The following KLHL29 variants were observed in gnomAD, a reference collection of about 807,000 sequenced individuals.
The protein encoded by KLHL29 is kelch like family member 29.
Under a neutral mutation model 80.4 loss-of-function variants are expected in KLHL29, and 21 were observed. The ratio of observed to expected loss-of-function variants is 0.26; its 90% confidence interval spans 0.19 to 0.38. The LOEUF (loss-of-function observed/expected upper bound fraction) is 0.38. Among genes scored for constraint, KLHL29 ranks in the 10% least tolerant of loss-of-function variants. The pLI is 1.00. For synonymous variants in KLHL29, 511 were observed against 526.8 expected (o/e 0.97, Z 0.41); for missense variants, 867 against 1,223.9 (o/e 0.71, Z 4.35).
At chr2:23,455,575 G>T (rs1161534831) in intron 1 of KLHL29, among the ~76,000 whole-genome samples, 1 of 150,910 alleles carries the variant, frequency 6.6e-6, no homozygotes, top group African/African-American at 2.4e-5. Flanking sequence ...GAGTGATGAA[G>T]AGAAGCGTCA....
intron 1 of KLHL29, among the ~76,000 whole-genome samples, chr2:23,406,862 A>T (rs1431782376): frequency 2.0e-5 from 3 of 152,244 alleles, no homozygotes; most frequent in African/African-American, 7.2e-5. Flanking sequence ...CTTTTCAATT[A>T]TAAAAGTAAT....
intron 3 of KLHL29, among the ~76,000 whole-genome samples, chr2:23,603,122 C>T (rs530495498): frequency 7.6e-4 from 116 of 152,276 alleles, no homozygotes; most frequent in African/African-American, 2.7e-3. Flanking sequence ...TGACCCCCCA[C>T]CCCAGGGCAA....
At position 23,562,118 on chromosome 2, in the gene KLHL29, C is replaced by G. The variant is rs1667461058; in HGVS notation, c.-45-34C>G. 1 of 1,522,276 alleles carries G rather than the reference C, an allele frequency of 6.6e-7. No individual in the cohort carries two copies. The highest frequency in any genetic ancestry group is 8.8e-7 in the Non-Finnish European group (1 of 1,130,132). The allele number at this position is 1,522,276 out of a possible 1,614,324, so 94.3% of individuals were successfully genotyped here. On this transcript the variant is annotated intron_variant, in intron 2 of 13. Coordinates refer to ENST00000486442, the MANE Select transcript of KLHL29 (RefSeq NM_052920.2). The surrounding 1 kb of genome is among the most constrained non-coding windows in gnomAD (Gnocchi z 4.5). ...TCAGTTGTCGCTGCCTGCTCCAGTC[C>G]TAAATCACCCTTCTCTCCACCCTGT...
At chr2:23,619,007 C>T (rs1211036754) in intron 3 of KLHL29, among the ~76,000 whole-genome samples, 1 of 152,220 alleles carries the variant, frequency 6.6e-6, no homozygotes, top group East Asian at 1.9e-4. Context: ...GATGCTGGTC[C>T]TTCCCCTCCA....
chr2:23,655,480 T>A (rs1670219645), intron 5 of KLHL29, among the ~76,000 whole-genome samples: 1 of 152,220 alleles, frequency 6.6e-6, no homozygotes, highest in Non-Finnish European at 1.5e-5. Flanking sequence ...CTATAGGAAC[T>A]GTCTTCCTGC....
intron 6 of KLHL29, chr2:23,685,514 C>G (rs1210991027): frequency 6.6e-6 from 1 of 152,330 alleles, no homozygotes; most frequent in Non-Finnish European, 1.5e-5. Flanking sequence ...TGCCAACTAA[C>G]CCCGGAGTGA....
At chr2:23,645,915 G>T (rs1402425931) in intron 5 of KLHL29, among the ~76,000 whole-genome samples, 1 of 152,222 alleles carries the variant, frequency 6.6e-6, no homozygotes, top group Non-Finnish European at 1.5e-5. Context: ...GACTAGAGAA[G>T]CCAGCTTGTG....
At position 23,392,002 on chromosome 2, in the gene KLHL29, C is replaced by G. The variant is rs112494230; in HGVS notation, c.-154+6222C>G. Among the ~76,000 whole-genome samples, 211 of 152,308 alleles carry G rather than the reference C, an allele frequency of 1.4e-3. 1 individual carries two copies. The highest frequency in any genetic ancestry group is 4.9e-3 in the African/African-American group (203 of 41,562). The stretch of plus-strand genomic sequence containing the variant: ...GTTGAAGTCCCGTCTCCAGTGCTTC[C>G]TAGCTGTGTGACCTTGGAAAGATCC... On this transcript the variant is annotated intron_variant, in intron 1 of 13. Transcript: ENST00000486442.
At position 23,696,535 on chromosome 2, in the gene KLHL29, C is replaced by G. The variant is rs1671968962; in HGVS notation, c.2105+22C>G. The G allele has an allele frequency of 6.7e-7, 1 of 1,486,362 alleles. No individual in the cohort carries two copies. Among genetic ancestry groups the G allele is most frequent in the Non-Finnish European group, 9.0e-7 (1 of 1,114,710 alleles). The allele number at this position is 1,486,362 out of a possible 1,614,324, so 92.1% of individuals were successfully genotyped here. The stretch of plus-strand genomic sequence containing the variant: ...AGAGGTAATGAGGCCACGGTCAGGA[C>G]AGGGGCATGCTCTTTGCTCACCAAG... On this transcript the variant is annotated intron_variant, in intron 11 of 13. Transcript: ENST00000486442. The surrounding 1 kb of genome is among the most constrained non-coding windows in gnomAD (Gnocchi z 5.5).
chr2:23,552,773 T>TTTTTTTTTTTTTTTTTTTG, intron 2 of KLHL29, among the ~76,000 whole-genome samples: 1 of 142,998 alleles, frequency 7.0e-6, no homozygotes. Context: ...TTTTTTTTTT[T>TTTTTTTTTTTTTTTTTTTG]TTTTTGAGAT....
intron 2 of KLHL29, among the ~76,000 whole-genome samples, chr2:23,536,759 A>C (rs1208365600): frequency 2.6e-5 from 4 of 152,190 alleles, no homozygotes; most frequent in African/African-American, 9.7e-5. Flanking sequence ...CTGTGAAAAG[A>C]AGCTCTGTAC....
chr2:23,487,903 G>A (rs572314096), intron 2 of KLHL29, among the ~76,000 whole-genome samples: 16 of 152,212 alleles, frequency 1.1e-4, no homozygotes, highest in Non-Finnish European at 2.2e-4. Flanking sequence ...CAGCTGGGCC[G>A]TGTGGTGGGA....
chr2:23,523,955 TAA>T (rs751812662), intron 2 of KLHL29: 3 of 471,250 alleles, frequency 6.4e-6, no homozygotes, highest in South Asian at 4.6e-5. Flanking sequence ...ACTTACCTCG[TAA>T]AGAGAAGATT....
chr2:23,389,197 G>A (rs1472709166), intron 1 of KLHL29, among the ~76,000 whole-genome samples: 1 of 152,010 alleles, frequency 6.6e-6, no homozygotes, highest in Non-Finnish European at 1.5e-5. Flanking sequence ...AGCATATAGT[G>A]CCCCTAGGAT....
At chr2:23,601,709 G>A (rs1668576234) in intron 3 of KLHL29, among the ~76,000 whole-genome samples, 1 of 152,188 alleles carries the variant, frequency 6.6e-6, no homozygotes, top group African/African-American at 2.4e-5. Context: ...AAGCGTGAGG[G>A]CACCTTCCCC....
In KLHL29 at chr2:23,696,792, A is replaced by G; in HGVS notation, c.2105+279A>G. The G allele has an allele frequency of 2.8e-6, 1 of 351,120 alleles. No individual in the cohort carries two copies. Among genetic ancestry groups the G allele is most frequent in the Non-Finnish European group, 5.2e-6 (1 of 193,986 alleles). 21.8% of individuals were successfully genotyped at this position (351,120 alleles called of 1,614,324 possible). A position where few individuals can be genotyped will look rare whatever the true frequency, so the allele number is the denominator to read the frequency against. On this transcript the variant is annotated intron_variant, in intron 11 of 13. Coordinates refer to ENST00000486442, the MANE Select transcript of KLHL29 (RefSeq NM_052920.2). This position sits in a 1 kb window ranked among gnomAD's most constrained non-coding sequence, Gnocchi z 5.5. ...CCCATTTAGGTGTCAGACAAGCTGGAGGCCCAAGATCCAGTTGCAGAAGGC... is the reference window on the plus strand; with the variant it reads ...CCCATTTAGGTGTCAGACAAGCTGGGGGCCCAAGATCCAGTTGCAGAAGGC...
In KLHL29 at chr2:23,703,659, A is replaced by G. The variant is rs1265181936; in HGVS notation, c.2300-60A>G. The G allele has an allele frequency of 3.4e-6, 5 of 1,475,330 alleles. No individual in the cohort carries two copies. In the East Asian group the frequency reaches 1.2e-4, roughly 37 times the overall value. The allele number at this position is 1,475,330 out of a possible 1,614,324, so 91.4% of individuals were successfully genotyped here. A position where few individuals can be genotyped will look rare whatever the true frequency, so the allele number is the denominator to read the frequency against. ...TTCCCTGGAGGGTCTTCTGGGAAAGAAAAGGAGAGGGAAGTCCAAGACAAG... is the reference window on the plus strand; with the variant it reads ...TTCCCTGGAGGGTCTTCTGGGAAAGGAAAGGAGAGGGAAGTCCAAGACAAG... On this transcript the variant is annotated intron_variant, in intron 12 of 13. Coordinates refer to ENST00000486442, the MANE Select transcript of KLHL29 (RefSeq NM_052920.2).
At chr2:23,678,101 T>C (rs2149182533) in intron 5 of KLHL29, among the ~76,000 whole-genome samples, 1 of 152,364 alleles carries the variant, frequency 6.6e-6, no homozygotes, top group East Asian at 1.9e-4. Context: ...AACGAGCCCA[T>C]TAGTCTCTGA....
At chr2:23,559,905 GAGA>G (rs1460328693) in intron 2 of KLHL29, among the ~76,000 whole-genome samples, 2 of 152,200 alleles carry the variant, frequency 1.3e-5, no homozygotes, top group Admixed American at 1.3e-4. Flanking sequence ...CAAGGAGACT[GAGA>G]AGGAGCAGCC....
Sources: gnomAD v4.1 joint callset for allele counts (sites outside exome capture counted in the v4.1 genomes callset) on GRCh38, gnomAD v4.1.1 for gene constraint, Gnocchi (gnomAD v3.1) non-coding constraint, MANE v1.5 for transcripts, NCBI Gene and HGNC (gene_info 2026-07-23, HGNC 2026-07-21) for gene names.